EYA1: variants seen among roughly 807,000 people sequenced by gnomAD.
EYA1 encodes EYA transcriptional coactivator and phosphatase 1, also known as protein phosphatase EYA1.
A neutral mutation model predicts 82.0 loss-of-function variants in EYA1; 16 were observed. That is an observed-to-expected ratio of 0.20 (90% CI 0.13 to 0.30). The LOEUF (loss-of-function observed/expected upper bound fraction) is 0.30. Among genes scored for constraint, EYA1 ranks in the 10% least tolerant of loss-of-function variants. The probability of loss-of-function intolerance (pLI) is 1.00; values close to 1 mark genes in which losing one functional copy is unlikely to be tolerated. For synonymous variants in EYA1, 261 were observed against 264.4 expected, an observed-to-expected ratio of 0.99 and a Z score of 0.12; for missense variants, 633 against 730.7, an observed-to-expected ratio of 0.87 and a Z score of 1.54.
At chr8:71,271,677 T>A (rs1383997977) in intron 10 of EYA1, 81 bp downstream of exon 10, 1 of 1,485,264 alleles carries the variant, frequency 6.7e-7, no homozygotes, top group East Asian at 2.3e-5. Context: ...TAACCACTGC[T>A]GTTTACGTAG....
intron 2 of EYA1, chr8:71,404,316 G>A (rs1830102301): frequency 6.6e-6 from 1 of 152,152 alleles, no homozygotes; most frequent in African/African-American, 2.4e-5. Context: ...TCAAACTACT[G>A]GTTACAATGT....
intron 4 of EYA1, among the ~76,000 whole-genome samples, chr8:71,324,909 G>A (rs974791620): frequency 1.6e-4 from 25 of 152,104 alleles, no homozygotes; most frequent in African/African-American, 5.8e-4. Context: ...TGTCTCACCT[G>A]GACTACTGCA....
At chr8:71,219,024 A>C (rs1585831855) in intron 12 of EYA1, among the ~76,000 whole-genome samples, 1 of 152,300 alleles carries the variant, frequency 6.6e-6, no homozygotes, top group African/African-American at 2.4e-5. Flanking sequence ...TTGAAAAAGC[A>C]GGGTGTTAAG....
intron 7 of EYA1, among the ~76,000 whole-genome samples, chr8:71,306,933 G>GTA (rs1820798590): frequency 1.3e-5 from 2 of 152,154 alleles, no homozygotes; most frequent in African/African-American, 4.8e-5. Context: ...GATAAACCAT[G>GTA]TCTGACTCAT....
At chr8:71,317,519 GGT>G (rs1463860467) in intron 7 of EYA1, 31 bp downstream of exon 7, 1 of 1,611,300 alleles carries the variant, frequency 6.2e-7, no homozygotes, top group African/African-American at 1.3e-5. Flanking sequence ...CAACCTACAG[GGT>G]TAAGGAAAAT....
chr8:71,222,196 T>C (rs1810010161), intron 12 of EYA1, among the ~76,000 whole-genome samples: 1 of 152,204 alleles, frequency 6.6e-6, no homozygotes, highest in Non-Finnish European at 1.5e-5. Context: ...TTGAGGTTGC[T>C]GCAGACCATA....
intron 1 of EYA1, among the ~76,000 whole-genome samples, chr8:71,541,907 T>A (rs1322589525): frequency 1.3e-5 from 2 of 152,186 alleles, no homozygotes; most frequent in African/African-American, 4.8e-5. Flanking sequence ...GCCTACTAAG[T>A]CTACAGGATC....
chr8:71,372,899 G>C (rs1828164451), intron 2 of EYA1, among the ~76,000 whole-genome samples: 1 of 152,032 alleles, frequency 6.6e-6, no homozygotes, highest in African/African-American at 2.4e-5. Context: ...CACCTCAACA[G>C]GTGCAAGAAT....
chr8:71,452,519 C>A (rs150720562), intron 2 of EYA1, among the ~76,000 whole-genome samples: 6 of 152,298 alleles, frequency 3.9e-5, no homozygotes, highest in Admixed American at 1.3e-4. Context: ...AGGCACCCCC[C>A]AGTAGGGGCA....
chr8:71,432,595 C>T lies in EYA1; in HGVS notation c.34-76084G>A, dbSNP rs552946677. Among the ~76,000 whole-genome samples, 20 of 152,276 alleles carry T rather than the reference C, an allele frequency of 1.3e-4. No homozygotes were observed. In the East Asian group the frequency reaches 2.7e-3, roughly 21 times the overall value. ...ACATTGTCTTTCCTTTGTGCTTGGGCATGATTGTGTCCTAATCTTCTCTTT... is the reference window on the plus strand; with the variant it reads ...ACATTGTCTTTCCTTTGTGCTTGGGTATGATTGTGTCCTAATCTTCTCTTT... On this transcript the variant is annotated intron_variant, in intron 2 of 18. Coordinates refer to the EYA1 transcript ENST00000643681.
intron 1 of EYA1, among the ~76,000 whole-genome samples, chr8:71,356,930 A>T (rs966883919): frequency 2.6e-5 from 4 of 152,346 alleles, no homozygotes; most frequent in East Asian, 1.9e-4. Context: ...TCCTCAGAAG[A>T]TCTTTCATCT....
intron 11 of EYA1, among the ~76,000 whole-genome samples, chr8:71,267,197 T>C (rs1175266681): frequency 6.6e-6 from 1 of 152,212 alleles, no homozygotes; most frequent in Non-Finnish European, 1.5e-5. Context: ...TGTGTGTGGC[T>C]GGGAGGCCCT....
intron 2 of EYA1, among the ~76,000 whole-genome samples, chr8:71,485,283 A>G (rs932010379): frequency 3.9e-5 from 6 of 152,220 alleles, no homozygotes; most frequent in African/African-American, 1.4e-4. Context: ...GACAACTTGT[A>G]ATTTTTCATA....
intron 17 of EYA1, among the ~76,000 whole-genome samples, chr8:71,207,393 CTTG>C (rs961301115): frequency 1.3e-5 from 2 of 152,178 alleles, no homozygotes; most frequent in Non-Finnish European, 2.9e-5. Flanking sequence ...GAATGTTCAA[CTTG>C]TTGTAAATTG....
At chr8:71,437,512 T>C (rs1178993362) in intron 2 of EYA1, among the ~76,000 whole-genome samples, 1 of 152,068 alleles carries the variant, frequency 6.6e-6, no homozygotes, top group African/African-American at 2.4e-5. Context: ...ATATGCATTA[T>C]TTGACATGTA....
chr8:71,344,716 C>T (rs1340878244), intron 3 of EYA1, among the ~76,000 whole-genome samples: 3 of 152,078 alleles, frequency 2.0e-5, no homozygotes, highest in Non-Finnish European at 4.4e-5. Context: ...TTAAGAATAC[C>T]AGGGCACTGA....
intron 2 of EYA1, among the ~76,000 whole-genome samples, chr8:71,432,827 G>C (rs993304594): frequency 1.6e-4 from 25 of 152,156 alleles, no homozygotes; most frequent in African/African-American, 4.8e-4. Context: ...GAACCAGCAA[G>C]ACTGATGGAC....
At chr8:71,430,924 A>C (rs567478749) in intron 2 of EYA1, among the ~76,000 whole-genome samples, 1 of 151,658 alleles carries the variant, frequency 6.6e-6, no homozygotes, top group Non-Finnish European at 1.5e-5. Context: ...AAAACACTAC[A>C]GGGCCTAAGA....
At chr8:71,303,826 A>T (rs143777379) in intron 7 of EYA1, among the ~76,000 whole-genome samples, 2 of 142,612 alleles carry the variant, frequency 1.4e-5, no homozygotes, top group Admixed American at 7.0e-5. Flanking sequence ...CCTATACTCC[A>T]CAACAACTTG....
Sources: allele counts gnomAD v4.1 joint callset (sites outside exome capture counted in the v4.1 genomes callset), GRCh38; gene constraint gnomAD v4.1.1; transcripts MANE v1.5; gene names NCBI Gene and HGNC (gene_info 2026-07-23, HGNC 2026-07-21).